TP53BP1: variants seen among roughly 807,000 people sequenced by gnomAD.
TP53BP1 encodes the protein tumor protein p53 binding protein 1.
A neutral mutation model predicts 200.8 loss-of-function variants in TP53BP1; 61 were observed. The ratio of observed to expected loss-of-function variants is 0.30; its 90% confidence interval spans 0.25 to 0.38. The LOEUF (loss-of-function observed/expected upper bound fraction) is 0.38, where lower values mean the gene tolerates loss of function less well. Among genes scored for constraint, TP53BP1 ranks in the 10% least tolerant of loss-of-function variants. The pLI is 1.00. For synonymous variants in TP53BP1, 822 were observed against 844.3 expected, an observed-to-expected ratio of 0.97 and a Z score of 0.46; for missense variants, 2,144 against 2,371.9, an observed-to-expected ratio of 0.90 and a Z score of 2.00.
chr15:43,456,997 A>C lies in TP53BP1; in HGVS notation c.1611T>G (p.Ser537Arg). The C allele has an allele frequency of 1.2e-6, 2 of 1,614,172 alleles. No individual in the cohort carries two copies. The highest frequency in any genetic ancestry group is 1.7e-6 in the Non-Finnish European group (2 of 1,180,040). Reference protein sequence around the residue: ...YSQSPKMESLSSHRIDEDGEN... With the variant: ...YSQSPKMESLRSHRIDEDGEN... The stretch of plus-strand genomic sequence containing the variant: ...CTCCATCTTCATCAATTCTGTGAGA[A>C]CTCAAGCTCTCCATCTTTGGGGACT... The change falls in exon 12 of 28, where the codon AGT (serine) becomes AGG (arginine). Residue 537 changes from serine (S) to arginine (R), a missense_variant. Ser to Arg is a moderately radical substitution (Grantham distance 110). Around this residue, in one of 4 missense-constraint regions of TP53BP1, gnomAD observed 1,700 missense variants for 1,710.3 expected, o/e 0.99. Transcript: ENST00000382044.
At chr15:43,445,466 A>G (rs2046020541) in intron 14 of TP53BP1, among the ~76,000 whole-genome samples, 1 of 152,108 alleles carries the variant, frequency 6.6e-6, no homozygotes, top group African/African-American at 2.4e-5. Context: ...AATCCCCCTT[A>G]AACAGCTTTT....
intron 10 of TP53BP1, among the ~76,000 whole-genome samples, chr15:43,473,295 C>G (rs2046773034): frequency 6.6e-6 from 1 of 152,168 alleles, no homozygotes; most frequent in African/African-American, 2.4e-5. Flanking sequence ...TGCTTTTATT[C>G]TCTTATCTAG....
chr15:43,465,435 C>T (rs775691393), intron 11 of TP53BP1, among the ~76,000 whole-genome samples: 2 of 151,656 alleles, frequency 1.3e-5, no homozygotes, highest in Non-Finnish European at 2.9e-5. Flanking sequence ...TTGAAGAAAT[C>T]ACCCAGCAAG....
chr15:43,475,548 AT>A lies in TP53BP1; in HGVS notation c.1085+16del, dbSNP rs757626392. On this transcript the variant is annotated intron_variant, in intron 9 of 27. Transcript: ENST00000382044. ...GGCACATACTGCCTTGGCATAAGCT[AT>A]TTTAGGCTTACTTACGTGGAAAGAC... 6.2e-7 allele frequency: 1 copy of A among 1,613,934 alleles called. No individual in the cohort carries two copies.
At chr15:43,480,161 A>C in intron 5 of TP53BP1, 144 bp from the exon 6 acceptor site, 1 of 724,388 alleles carries the variant, frequency 1.4e-6, no homozygotes, top group South Asian at 2.1e-5. Context: ...AATAAAAAAT[A>C]AATGTGGCCG....
At chr15:43,509,808 C>T (rs1013157024) in intron 1 of TP53BP1, among the ~76,000 whole-genome samples, 2 of 152,104 alleles carry the variant, frequency 1.3e-5, no homozygotes, top group Middle Eastern at 3.4e-3. Context: ...CCTGTACTAT[C>T]TCCAAAGCAA....
At chr15:43,488,804 G>A (rs1337561628) in intron 4 of TP53BP1, among the ~76,000 whole-genome samples, 2 of 152,132 alleles carry the variant, frequency 1.3e-5, no homozygotes. Flanking sequence ...TGAGGCAAGA[G>A]AATCGCTTGA....
At chr15:43,474,603 A>G in intron 10 of TP53BP1, 70 bp downstream of exon 10, 2 of 1,081,730 alleles carry the variant, frequency 1.8e-6, no homozygotes, top group Non-Finnish European at 1.4e-6. Flanking sequence ...GAAGTAGTAC[A>G]TTTTGCAAGG....
intron 1 of TP53BP1, among the ~76,000 whole-genome samples, chr15:43,501,203 ATT>A (rs36110259): frequency 2.8e-5 from 4 of 145,224 alleles, no homozygotes; most frequent in Admixed American, 6.9e-5. Context: ...TAATTGTGTA[ATT>A]TTTTTTTTTT....
intron 12 of TP53BP1, among the ~76,000 whole-genome samples, chr15:43,447,875 G>A (rs1347973907): frequency 6.6e-6 from 1 of 152,196 alleles, no homozygotes; most frequent in Non-Finnish European, 1.5e-5. Context: ...ACATAATTTT[G>A]TGCAATGCTA....
In TP53BP1 at chr15:43,417,822, G is replaced by C. The variant is rs527753101; in HGVS notation, c.4682-1406C>G. 2.4e-4 allele frequency among the ~76,000 whole-genome samples: 37 copies of C among 152,244 alleles called. 1 individual carries two copies. Among genetic ancestry groups the C allele is most frequent in the Admixed American group, 1.8e-3 (28 of 15,282 alleles). ...AGTGGCCCATTTAATAATGAACAAA[G>C]GGCAAACAACAATTACTCAGAGGAT... On this transcript the variant is annotated intron_variant, in intron 21 of 27. Coordinates refer to ENST00000382044, the MANE Select transcript of TP53BP1 (RefSeq NM_001141980.3).
intron 23 of TP53BP1, among the ~76,000 whole-genome samples, chr15:43,414,455 A>C (rs2045211700): frequency 6.6e-6 from 1 of 152,222 alleles, no homozygotes; most frequent in Non-Finnish European, 1.5e-5. Context: ...CATAGGAAAC[A>C]AAAGAAGCTC....
At chr15:43,508,830 A>C (rs2079253068) in intron 1 of TP53BP1, among the ~76,000 whole-genome samples, 1 of 152,156 alleles carries the variant, frequency 6.6e-6, no homozygotes, top group Admixed American at 6.5e-5. Flanking sequence ...TAGTACTATC[A>C]TAATCTACAT....
At chr15:43,421,447 T>A (rs2045395612) in intron 19 of TP53BP1, among the ~76,000 whole-genome samples, 1 of 152,240 alleles carries the variant, frequency 6.6e-6, no homozygotes, top group Non-Finnish European at 1.5e-5. Context: ...ATTTCTGCTA[T>A]GCCTTCTCCT....
intron 16 of TP53BP1, among the ~76,000 whole-genome samples, chr15:43,435,076 C>T (rs2045760504): frequency 6.6e-6 from 1 of 151,960 alleles, no homozygotes; most frequent in Non-Finnish European, 1.5e-5. Flanking sequence ...GCCTGGCCAA[C>T]ACGGCAAAAC....
At chr15:43,465,221 G>T (rs2264876) in intron 11 of TP53BP1, among the ~76,000 whole-genome samples, 42,747 of 151,730 alleles carry the variant, frequency 0.28, 10,209 homozygotes, top group African/African-American at 0.65. Context: ...GACTACCCTC[G>T]AAGGGCCGAG....
chr15:43,502,144 C>T (rs1174182699), intron 1 of TP53BP1, among the ~76,000 whole-genome samples: 3 of 151,936 alleles, frequency 2.0e-5, no homozygotes, highest in African/African-American at 4.8e-5. Context: ...TACAGGGAGG[C>T]CTTATCTCTA....
At chr15:43,445,867 T>C (rs144330204) in intron 14 of TP53BP1, among the ~76,000 whole-genome samples, 1 of 152,312 alleles carries the variant, frequency 6.6e-6, no homozygotes, top group Non-Finnish European at 1.5e-5. Context: ...AAAGGAATCA[T>C]CATGCACAAA....
At position 43,406,630 on chromosome 15, in the gene TP53BP1, G is replaced by C. The variant is rs1242346855; in HGVS notation, c.*753C>G. On this transcript the variant is annotated 3_prime_UTR_variant, in exon 28 of 28. Coordinates refer to ENST00000382044, the MANE Select transcript of TP53BP1 (RefSeq NM_001141980.3). The stretch of plus-strand genomic sequence containing the variant: ...AAACCTTGTTGACCCCTGCTTTAGA[G>C]AATGAGAAGCCATGCAGGGATCAGT... 1 of 456,016 alleles carries C rather than the reference G, an allele frequency of 2.2e-6. No homozygotes were observed. Among genetic ancestry groups the C allele is most frequent in the Non-Finnish European group, 4.4e-6 (1 of 226,774 alleles). 28.2% of individuals were successfully genotyped at this position (456,016 alleles called of 1,614,324 possible).
Sources: allele counts gnomAD v4.1 joint callset (sites outside exome capture counted in the v4.1 genomes callset), GRCh38; gene constraint gnomAD v4.1.1; regional missense constraint gnomAD v4.1.1; transcripts MANE v1.5; gene names NCBI Gene and HGNC (gene_info 2026-07-23, HGNC 2026-07-21).